EIF2AK4: variants seen among roughly 807,000 people sequenced by gnomAD.
The protein encoded by EIF2AK4 is eIF-2-alpha kinase GCN2.
Under a neutral mutation model 211.1 loss-of-function variants are expected in EIF2AK4, and 139 were observed. That is an observed-to-expected ratio of 0.66 (90% CI 0.57 to 0.76). The LOEUF (loss-of-function observed/expected upper bound fraction) is 0.76, where lower values mean the gene tolerates loss of function less well. Among genes scored for constraint, EIF2AK4 ranks in the 30% least tolerant of loss-of-function variants. The pLI is 0.00. For synonymous variants in EIF2AK4, 710 were observed against 751.3 expected (o/e 0.94, Z 0.90); for missense variants, 1,664 against 2,043.8 (o/e 0.81, Z 3.58).
At chr15:39,998,007 C>T (rs1566999030) in intron 19 of EIF2AK4, among the ~76,000 whole-genome samples, 1 of 152,184 alleles carries the variant, frequency 6.6e-6, no homozygotes, top group South Asian at 2.1e-4. Context: ...AAGAACACTT[C>T]TCTGGATAAT....
chr15:39,952,741 C>T (rs1280599211), intron 4 of EIF2AK4, among the ~76,000 whole-genome samples: 1 of 152,072 alleles, frequency 6.6e-6, no homozygotes, highest in Non-Finnish European at 1.5e-5. Flanking sequence ...CCTGTGCTTA[C>T]ATTAACACTG....
intron 2 of EIF2AK4, among the ~76,000 whole-genome samples, chr15:39,940,947 A>G (rs1456698475): frequency 2.6e-5 from 4 of 152,114 alleles, no homozygotes; most frequent in African/African-American, 9.7e-5. Context: ...GCTAGAATGC[A>G]TCACAGAACT....
intron 28 of EIF2AK4, 125 bp from the exon 29 acceptor site, chr15:40,016,983 G>T: frequency 7.9e-7 from 1 of 1,270,568 alleles, no homozygotes; most frequent in South Asian, 1.4e-5. Context: ...AGATCTTACT[G>T]AATATTTTGT....
At position 39,972,533 on chromosome 15, in the gene EIF2AK4, A is replaced by G. The variant is rs1030452890; in HGVS notation, c.1554-375A>G. Among the ~76,000 whole-genome samples, 11 of 152,240 alleles carry G rather than the reference A, an allele frequency of 7.2e-5. No individual in the cohort carries two copies. In the East Asian group the frequency reaches 2.1e-3, roughly 29 times the overall value. On this transcript the variant is annotated intron_variant, in intron 9 of 38. Transcript: ENST00000263791. ...TCTCTGATTTGCTTTGTCTTTCGAA[A>G]GCTTTATTTATAACCGGTTCCTGCA...
At chr15:39,978,214 T>C in intron 13 of EIF2AK4, 67 bp downstream of exon 13, 1 of 881,434 alleles carries the variant, frequency 1.1e-6, no homozygotes, top group Non-Finnish European at 1.7e-6. Flanking sequence ...GTCATAAACC[T>C]TAGGTAAAGT....
intron 6 of EIF2AK4, among the ~76,000 whole-genome samples, chr15:39,959,927 G>C (rs1486652900): frequency 6.6e-6 from 1 of 152,148 alleles, no homozygotes; most frequent in Non-Finnish European, 1.5e-5. Flanking sequence ...ACTTTGGGAG[G>C]CCAAGGCGGG....
intron 6 of EIF2AK4, among the ~76,000 whole-genome samples, chr15:39,959,354 G>T (rs747780373): frequency 2.0e-5 from 3 of 152,212 alleles, no homozygotes; most frequent in African/African-American, 7.2e-5. Flanking sequence ...GAAAACAATA[G>T]ATATGGATGA....
intron 3 of EIF2AK4, chr15:39,946,453 C>T: frequency 1.6e-6 from 1 of 643,846 alleles, no homozygotes; most frequent in Non-Finnish European, 2.8e-6. Flanking sequence ...CATGATAAAA[C>T]TTTAACAGAT....
chr15:39,990,528 G>A lies in EIF2AK4; in HGVS notation c.2631+151G>A, dbSNP rs949517617. ...AAACCTGAAGGGGTATGCTGCAAAT[G>A]ATCTTGTAGGCTTTGCAATTGTGAG... On this transcript the variant is annotated intron_variant, in intron 16 of 38. Transcript: ENST00000263791. 5 of 687,624 alleles carry A rather than the reference G, an allele frequency of 7.3e-6. No individual in the cohort carries two copies. In the African/African-American group the frequency reaches 9.0e-5, roughly 12 times the overall value. 42.6% of individuals were successfully genotyped at this position (687,624 alleles called of 1,614,324 possible). A position where few individuals can be genotyped will look rare whatever the true frequency, so the allele number is the denominator to read the frequency against.
chr15:40,007,926 AT>A (rs1056884089), intron 24 of EIF2AK4, 100 bp from the exon 25 acceptor site: 31 of 962,668 alleles, frequency 3.2e-5, no homozygotes, highest in South Asian at 4.5e-5. Context: ...CCACCGATTA[AT>A]TTTTTTTCAT....
intron 13 of EIF2AK4, among the ~76,000 whole-genome samples, chr15:39,980,578 C>T (rs944910426): frequency 6.6e-6 from 1 of 152,198 alleles, no homozygotes; most frequent in Non-Finnish European, 1.5e-5. Flanking sequence ...ACCTGGACTT[C>T]TGATCAAGTG....
At position 40,032,758 on chromosome 15, in the gene EIF2AK4, T is replaced by C. The variant is rs2035560451; in HGVS notation, c.4730T>C (p.Val1577Ala). ...QKSSEIEILA[V>A]DLPKETILQF... is the part of the protein sequence containing the mutation. ...ATGTACATTTGTGTGTATTCACAGGTGGATCTACCCAAAGAAACAATATTA... is the reference window on the plus strand; with the variant it reads ...ATGTACATTTGTGTGTATTCACAGGCGGATCTACCCAAAGAAACAATATTA... The change falls in exon 37 of 39, where the codon GTG becomes GCG. Residue 1577 changes from valine (V) to alanine (A), a missense_variant and splice_region_variant. By Grantham distance (64) the Val-to-Ala change is moderately conservative. Around this residue, in one of 7 missense-constraint regions of EIF2AK4, gnomAD observed 138 missense variants for 165.1 expected, o/e 0.84. Coordinates refer to ENST00000263791, the MANE Select transcript of EIF2AK4 (RefSeq NM_001013703.4). 2 of 1,613,712 alleles carry C rather than the reference T, an allele frequency of 1.2e-6. No individual in the cohort carries two copies. The highest frequency in any genetic ancestry group is 1.7e-6 in the Non-Finnish European group (2 of 1,179,802).
intron 12 of EIF2AK4, chr15:39,977,156 A>AAACC (rs1566991984): frequency 4.6e-6 from 1 of 215,650 alleles, no homozygotes; most frequent in Non-Finnish European, 8.9e-6. Context: ...AAAACAAAAC[A>AAACC]AAACCACCAC....
chr15:39,975,990 A>G (rs1027152622), intron 11 of EIF2AK4, among the ~76,000 whole-genome samples: 3 of 152,212 alleles, frequency 2.0e-5, no homozygotes, highest in Non-Finnish European at 4.4e-5. Flanking sequence ...TTGGTGTTTA[A>G]TTTGTTTTTA....
intron 7 of EIF2AK4, among the ~76,000 whole-genome samples, chr15:39,963,327 C>T (rs915383247): frequency 3.3e-5 from 5 of 152,196 alleles, no homozygotes; most frequent in Non-Finnish European, 7.3e-5. Flanking sequence ...ATCAAGAAGG[C>T]AAATTAATTC....
intron 4 of EIF2AK4, among the ~76,000 whole-genome samples, chr15:39,950,647 G>A (rs571053964): frequency 3.0e-4 from 45 of 151,312 alleles, no homozygotes; most frequent in African/African-American, 9.9e-4. Context: ...GTAATCTACT[G>A]TATGATAAGA....
intron 13 of EIF2AK4, among the ~76,000 whole-genome samples, chr15:39,984,333 G>A (rs762640424): frequency 2.0e-5 from 3 of 152,066 alleles, no homozygotes; most frequent in Admixed American, 1.3e-4. Context: ...TTGGCTATAC[G>A]GGCTCTTTTT....
Position 39,988,045 on chromosome 15 carries a change from C to CAGT in EIF2AK4, c.2466_2467insAGT (p.Thr822_Val823insSer). The CAGT allele has an allele frequency of 2.5e-6, 4 of 1,614,010 alleles. No individual in the cohort carries two copies. Among genetic ancestry groups the CAGT allele is most frequent in the Non-Finnish European group, 3.4e-6 (4 of 1,179,922 alleles). ...TTGACCAGGGACTGTATCGAGACAC[C>CAGT]GTCAGACTCTGGAGGCTTTTTCGAG... On this transcript the variant is annotated inframe_insertion, in exon 15 of 39. Coordinates refer to ENST00000263791, the MANE Select transcript of EIF2AK4 (RefSeq NM_001013703.4).
At position 39,954,032 on chromosome 15, in the gene EIF2AK4, TGTTTTTA is replaced by T. The variant is rs2034357052; in HGVS notation, c.594+49_594+55del. ...ATAATTTACATTTTGCAAAACAAAG[TGTTTTTA>T]TTTCCACTGATGACATCTGTGTTAC... is the stretch of plus-strand genomic sequence containing the variant. On this transcript the variant is annotated intron_variant, in intron 5 of 38. Transcript: ENST00000263791. 3.4e-6 allele frequency: 5 copies of T among 1,464,760 alleles called. No individual in the cohort carries two copies. The East Asian group carries it at 1.2e-4, about 36-fold the overall frequency. 90.7% of individuals were successfully genotyped at this position (1,464,760 alleles called of 1,614,324 possible).
Sources: allele counts gnomAD v4.1 joint callset (sites outside exome capture counted in the v4.1 genomes callset), GRCh38; gene constraint gnomAD v4.1.1; regional missense constraint gnomAD v4.1.1; transcripts MANE v1.5; gene names NCBI Gene and HGNC (gene_info 2026-07-23, HGNC 2026-07-21).